ADNP2: variants seen among roughly 807,000 people sequenced by gnomAD.
ADNP2 encodes activity-dependent neuroprotector homeobox protein 2.
Under a neutral mutation model 16.4 loss-of-function variants are expected in ADNP2, and 8 were observed. That is an observed-to-expected ratio of 0.49 (90% CI 0.29 to 0.88). The LOEUF is 0.88. Ranked by LOEUF, ADNP2 falls within the 40% of genes least tolerant of loss-of-function variation. ADNP2 has a pLI of 0.09. For missense variants in ADNP2, 1,397 were observed against 1,395.1 expected (o/e 1.00, Z -0.02); for synonymous variants, 637 against 545.8 (o/e 1.17, Z -2.33).
At chr18:80,127,020 C>T (rs1281587223) in intron 2 of ADNP2, among the ~76,000 whole-genome samples, 1 of 152,194 alleles carries the variant, frequency 6.6e-6, no homozygotes, top group Non-Finnish European at 1.5e-5. Context: ...AGGGTGAGCA[C>T]AGGATGTAAG....
At chr18:80,126,836 T>A (rs989159157) in intron 2 of ADNP2, among the ~76,000 whole-genome samples, 7 of 152,202 alleles carry the variant, frequency 4.6e-5, no homozygotes, top group Non-Finnish European at 1.0e-4. Context: ...ACACAGTAGT[T>A]CCCCCGTATC....
chr18:80,119,680 G>A (rs771862983), intron 2 of ADNP2, among the ~76,000 whole-genome samples: 4 of 152,160 alleles, frequency 2.6e-5, no homozygotes, highest in Non-Finnish European at 5.9e-5. Flanking sequence ...ACTCTTCCAC[G>A]AATCTAATAT....
intron 3 of ADNP2, among the ~76,000 whole-genome samples, chr18:80,135,112 A>G (rs2052523684): frequency 6.6e-6 from 1 of 152,232 alleles, no homozygotes; most frequent in South Asian, 2.1e-4. Flanking sequence ...TTCAGAATAC[A>G]GGACTAAGTA....
At chr18:80,123,032 A>G (rs1312577269) in intron 2 of ADNP2, among the ~76,000 whole-genome samples, 2 of 151,464 alleles carry the variant, frequency 1.3e-5, no homozygotes, top group Non-Finnish European at 1.5e-5. Context: ...AACCTGTTGG[A>G]TTTTATCAGA....
At chr18:80,120,436 A>G (rs940329755) in intron 2 of ADNP2, among the ~76,000 whole-genome samples, 1 of 149,966 alleles carries the variant, frequency 6.7e-6, no homozygotes, top group Non-Finnish European at 1.5e-5. Context: ...GGCTCAGATG[A>G]TCCTCCTAAC....
In ADNP2 at chr18:80,139,287, AT is replaced by A. The variant is rs2145220911; in HGVS notation, c.*479del. The stretch of plus-strand genomic sequence containing the variant: ...GACGTGGGTACAAACCCTGTGATGT[AT>A]GTATAAGGCTCCCTGAGGATGCACT... On this transcript the variant is annotated 3_prime_UTR_variant, in exon 4 of 4. Transcript: ENST00000262198. 1 of 152,804 alleles carries A rather than the reference AT, an allele frequency of 6.5e-6. No individual in the cohort carries two copies. Among genetic ancestry groups the A allele is most frequent in the African/African-American group, 2.4e-5 (1 of 41,568 alleles). 9.5% of individuals were successfully genotyped at this position (152,804 alleles called of 1,614,324 possible).
intron 2 of ADNP2, among the ~76,000 whole-genome samples, chr18:80,125,115 G>A (rs923562237): frequency 1.3e-5 from 2 of 152,186 alleles, no homozygotes; most frequent in African/African-American, 4.8e-5. Context: ...TAGGCAGCAT[G>A]TAATTGGTCT....
chr18:80,118,874 T>A (rs2052406049), intron 2 of ADNP2, among the ~76,000 whole-genome samples: 1 of 152,220 alleles, frequency 6.6e-6, no homozygotes, highest in Admixed American at 6.5e-5. Context: ...TTAATTAGAT[T>A]AACTGTTGAA....
At position 80,137,570 on chromosome 18, in the gene ADNP2, C is replaced by A. The variant is rs764522978; in HGVS notation, c.2157C>A (p.Ser719Arg). The A allele has an allele frequency of 1.9e-6, 3 of 1,614,066 alleles. No individual in the cohort carries two copies. Among genetic ancestry groups the A allele is most frequent in the Non-Finnish European group, 2.5e-6 (3 of 1,180,050 alleles). Residue 719 changes from serine (S) to arginine (R), a missense_variant, in exon 4 of 4, where the codon AGC becomes AGA. Around this residue, in one of 3 missense-constraint regions of ADNP2, gnomAD observed 611 missense variants for 648.7 expected, o/e 0.94. Transcript: ENST00000262198. The surrounding 1 kb of genome is among the most constrained non-coding windows in gnomAD (Gnocchi z 4.2). ...QVHMEVAHKH[S>R]ESKSGEKLEP... ...ACATGGAGGTAGCGCATAAGCACAG[C>A]GAGTCCAAGTCTGGTGAGAAACTTG...
intron 2 of ADNP2, among the ~76,000 whole-genome samples, chr18:80,123,871 A>G (rs1331351125): frequency 6.6e-6 from 1 of 151,944 alleles, no homozygotes; most frequent in African/African-American, 2.4e-5. Flanking sequence ...CTGGGATTAC[A>G]GGCGTGCATC....
rs112976362 is a variant in ADNP2, at chr18:80,109,435, G to T, written c.-51G>T. 36,914 of 147,834 alleles carry T rather than the reference G, an allele frequency of 0.25. 6,140 individuals carry two copies. Among genetic ancestry groups the T allele is most frequent in the Non-Finnish European group, 0.38 (25,115 of 66,218 alleles). 9.2% of individuals were successfully genotyped at this position (147,834 alleles called of 1,614,324 possible). On this transcript the variant is annotated 5_prime_UTR_variant, in exon 1 of 4. Transcript: ENST00000262198. ...GGAAGACGCGGCAGCCCTGCGAGAG[G>T]CAGCAGCGGAGACGCGGTGCTCCTC...
intron 3 of ADNP2, 98 bp from the exon 4 acceptor site, chr18:80,135,514 C>A: frequency 8.3e-7 from 1 of 1,210,078 alleles, no homozygotes; most frequent in Non-Finnish European, 1.1e-6. Context: ...AAATGCCTAG[C>A]ACATTAGAAG....
intron 1 of ADNP2, among the ~76,000 whole-genome samples, chr18:80,111,485 C>T (rs1475855026): frequency 6.6e-6 from 1 of 151,656 alleles, no homozygotes; most frequent in Non-Finnish European, 1.5e-5. Context: ...TGGTGACCAT[C>T]GTTTTGTGCG....
chr18:80,116,526 G>A (rs1210686769), intron 1 of ADNP2, among the ~76,000 whole-genome samples: 2 of 150,626 alleles, frequency 1.3e-5, no homozygotes, highest in African/African-American at 2.4e-5. Context: ...ATTTCTCCAC[G>A]TCCTTGCCAA....
chr18:80,116,096 C>G (rs926799311), intron 1 of ADNP2, among the ~76,000 whole-genome samples: 1 of 152,194 alleles, frequency 6.6e-6, no homozygotes, highest in South Asian at 2.1e-4. Context: ...TTTGCCTGTT[C>G]TGGACACTTC....
intron 1 of ADNP2, among the ~76,000 whole-genome samples, chr18:80,110,335 C>T (rs1452180027): frequency 6.6e-6 from 1 of 152,192 alleles, no homozygotes; most frequent in South Asian, 2.1e-4. Context: ...GAACAGAAGA[C>T]TTGCCTGCGT....
At chr18:80,118,802 T>C (rs1336381992) in intron 2 of ADNP2, among the ~76,000 whole-genome samples, 1 of 152,224 alleles carries the variant, frequency 6.6e-6, no homozygotes, top group East Asian at 1.9e-4. Flanking sequence ...CCCAAGACTT[T>C]ACTGATGCAG....
In ADNP2 at chr18:80,136,297, C is replaced by G. The variant is rs764931623; in HGVS notation, c.884C>G (p.Ala295Gly). The G allele has an allele frequency of 6.2e-7, 1 of 1,613,686 alleles. No homozygotes were observed. Among genetic ancestry groups the G allele is most frequent in the Non-Finnish European group, 8.5e-7 (1 of 1,179,578 alleles). ...GCGCAGCCTCCTTGCTTCCATCTTGCTTTGCCACAGAACAGTCCAAGCCCA... is the reference window on the plus strand; with the variant it reads ...GCGCAGCCTCCTTGCTTCCATCTTGGTTTGCCACAGAACAGTCCAAGCCCA... ...APAQPPCFHL[A>G]LPQNSPSPAA... Residue 295 changes from alanine to glycine, a missense_variant, in exon 4 of 4, where the codon GCT becomes GGT. By Grantham distance (60) the Ala-to-Gly change is moderately conservative. Around this residue, in one of 3 missense-constraint regions of ADNP2, gnomAD observed 777 missense variants for 719.4 expected, o/e 1.08. Transcript: ENST00000262198.
intron 1 of ADNP2, among the ~76,000 whole-genome samples, chr18:80,110,586 G>C (rs2052351330): frequency 6.6e-6 from 1 of 152,186 alleles, no homozygotes; most frequent in South Asian, 2.1e-4. Flanking sequence ...ATTAGTGGGA[G>C]AGAGGACCAC....
Sources: gnomAD v4.1 joint callset for allele counts (sites outside exome capture counted in the v4.1 genomes callset) on GRCh38, gnomAD v4.1.1 for gene constraint, gnomAD v4.1.1 regional missense constraint, Gnocchi (gnomAD v3.1) non-coding constraint, MANE v1.5 for transcripts, NCBI Gene and HGNC (gene_info 2026-07-23, HGNC 2026-07-21) for gene names.